Variants in SYNE1 observed in about 807,000 individuals in gnomAD.
The protein encoded by SYNE1 is nesprin-1.
SYNE1 carries 616 observed loss-of-function variants against 1,111.0 expected under a neutral mutation model. That is an observed-to-expected ratio of 0.55 (90% CI 0.52 to 0.59). The LOEUF is 0.59. Among genes scored for constraint, SYNE1 ranks in the 20% least tolerant of loss-of-function variants. SYNE1 has a pLI of 0.00. For missense variants in SYNE1, 10,006 were observed against 10,417.0 expected, an observed-to-expected ratio of 0.96 and a Z score of 1.72; for synonymous variants, 3,855 against 3,825.8, an observed-to-expected ratio of 1.01 and a Z score of -0.28.
At chr6:152,581,413 T>A (rs1015470353) in intron 3 of SYNE1, among the ~76,000 whole-genome samples, 3 of 152,170 alleles carry the variant, frequency 2.0e-5, no homozygotes, top group Non-Finnish European at 4.4e-5. Context: ...GTGCAAAGAA[T>A]AATGTCATTC....
chr6:152,525,312 G>C (rs1564636600), intron 5 of SYNE1, among the ~76,000 whole-genome samples: 1 of 151,976 alleles, frequency 6.6e-6, no homozygotes, highest in Non-Finnish European at 1.5e-5. Context: ...AAGTGATAAA[G>C]AAAAAATGGA....
chr6:152,309,909 G>T lies in SYNE1; in HGVS notation c.17128C>A (p.His5710Asn). Residue 5710 changes from histidine (H) to asparagine (N), a missense_variant, in exon 90 of 146, where the codon CAT becomes AAT. Around this residue, in one of 7 missense-constraint regions of SYNE1, gnomAD observed 4,955 missense variants for 5,017.2 expected, o/e 0.99. Transcript: ENST00000367255. The stretch of plus-strand genomic sequence containing the variant: ...TCTTCCTGCAGCCGCAGAGCAGCAT[G>T]ACAGAGAGGTAAGCTGGCAACCACA... ...EDVVASLPLC[H>N]AALRLQEEAS... 1.2e-6 allele frequency: 2 copies of T among 1,614,146 alleles called. No individual in the cohort carries two copies. The highest frequency in any genetic ancestry group is 1.7e-6 in the Non-Finnish European group (2 of 1,180,040).
At position 152,134,987 on chromosome 6, in the gene SYNE1, T is replaced by C. The variant is rs1174539244; in HGVS notation, c.25788+117A>G. On this transcript the variant is annotated intron_variant, in intron 142 of 145. Transcript: ENST00000367255. Reference sequence around the variant, plus strand: ...AGTTAAAAAAGTGTAAAGTAGAGACTATAATGCAAAAAGTTAAAAAAAAAG... The same window carrying C: ...AGTTAAAAAAGTGTAAAGTAGAGACCATAATGCAAAAAGTTAAAAAAAAAG... The C allele has an allele frequency of 4.9e-6, 7 of 1,423,382 alleles. No homozygotes were observed. In the Admixed American group the frequency reaches 8.9e-5, roughly 18 times the overall value. The allele number at this position is 1,423,382 out of a possible 1,614,324, so 88.2% of individuals were successfully genotyped here. A position where few individuals can be genotyped will look rare whatever the true frequency, so the allele number is the denominator to read the frequency against.
chr6:152,434,085 A>G, intron 33 of SYNE1, 140 bp from the exon 34 acceptor site: 1 of 759,720 alleles, frequency 1.3e-6, no homozygotes, highest in Middle Eastern at 3.8e-4. Flanking sequence ...CGCTAAAAAA[A>G]AAATTGCACA....
chr6:152,255,197 A>G, intron 103 of SYNE1, 108 bp from the exon 104 acceptor site: 1 of 983,390 alleles, frequency 1.0e-6, no homozygotes, highest in Non-Finnish European at 1.6e-6. Context: ...CTGCTTAGTA[A>G]TAATCAGACC....
chr6:152,309,481 C>T (rs1263000712), intron 90 of SYNE1, among the ~76,000 whole-genome samples: 1 of 151,996 alleles, frequency 6.6e-6, no homozygotes, highest in Non-Finnish European at 1.5e-5. Flanking sequence ...ATGAAAAAAA[C>T]TCTGTAACAC....
chr6:152,369,399 T>C lies in SYNE1; in HGVS notation c.9651+72A>G, dbSNP rs2097139286. 3.1e-6 allele frequency: 5 copies of C among 1,604,632 alleles called. No homozygotes were observed. The African/African-American group carries it at 5.4e-5, about 17-fold the overall frequency. ...CAGTCTAACTCAAGGGTGCTGAGCATGCATCTGTAAGGTCGACAGAGGACG... is the reference window on the plus strand; with the variant it reads ...CAGTCTAACTCAAGGGTGCTGAGCACGCATCTGTAAGGTCGACAGAGGACG... On this transcript the variant is annotated intron_variant, in intron 60 of 145. Coordinates refer to ENST00000367255, the MANE Select transcript of SYNE1 (RefSeq NM_182961.4).
At chr6:152,379,378 AATATT>A (rs1430628766) in intron 56 of SYNE1, among the ~76,000 whole-genome samples, 4 of 152,108 alleles carry the variant, frequency 2.6e-5, no homozygotes, top group South Asian at 2.1e-4. Context: ...TTATTTTTAC[AATATT>A]ATATTATATA....
chr6:152,391,710 G>C (rs1437618713), intron 51 of SYNE1, 142 bp from the exon 52 acceptor site: 2 of 1,018,406 alleles, frequency 2.0e-6, no homozygotes, highest in Non-Finnish European at 2.8e-6. Flanking sequence ...TAAAGATGCT[G>C]GGAACTGACC....
At chr6:152,572,566 C>T (rs764835737) in intron 3 of SYNE1, among the ~76,000 whole-genome samples, 3 of 152,112 alleles carry the variant, frequency 2.0e-5, no homozygotes, top group Non-Finnish European at 4.4e-5. Flanking sequence ...GAGTCTATGA[C>T]CCGCCCAACG....
intron 145 of SYNE1, among the ~76,000 whole-genome samples, chr6:152,123,383 T>G (rs1043455239): frequency 4.6e-5 from 7 of 152,178 alleles, no homozygotes; most frequent in African/African-American, 1.7e-4. Flanking sequence ...CTTTGGAAAA[T>G]GGACACCATT....
intron 5 of SYNE1, among the ~76,000 whole-genome samples, chr6:152,521,034 G>A (rs564930334): frequency 1.4e-4 from 21 of 152,226 alleles, no homozygotes; most frequent in African/African-American, 4.8e-4. Flanking sequence ...GAGGGCACCC[G>A]TCATACTAAC....
At chr6:152,594,087 G>A (rs2099574225) in intron 3 of SYNE1, among the ~76,000 whole-genome samples, 1 of 152,156 alleles carries the variant, frequency 6.6e-6, no homozygotes. Flanking sequence ...AAAGGCTTCA[G>A]TAGCTGGAGG....
intron 131 of SYNE1, among the ~76,000 whole-genome samples, chr6:152,162,726 GAGA>G (rs1301568815): frequency 6.6e-6 from 1 of 152,148 alleles, no homozygotes; most frequent in African/African-American, 2.4e-5. Context: ...ATAGCTAGAA[GAGA>G]AGATTTTGAG....
chr6:152,259,611 T>C (rs775519661), intron 101 of SYNE1, among the ~76,000 whole-genome samples: 1 of 152,154 alleles, frequency 6.6e-6, no homozygotes, highest in Non-Finnish European at 1.5e-5. Context: ...CAAGACCCTC[T>C]CTAAGCCTCA....
At chr6:152,323,783 GA>G in intron 81 of SYNE1, 46 bp from the exon 82 acceptor site, 2 of 1,603,184 alleles carry the variant, frequency 1.2e-6, no homozygotes, top group Non-Finnish European at 8.5e-7. Context: ...TAAATAAACT[GA>G]AAAAAATAGG....
intron 58 of SYNE1, among the ~76,000 whole-genome samples, chr6:152,375,798 A>G (rs1279632320): frequency 6.6e-6 from 1 of 152,194 alleles, no homozygotes. Context: ...ACATAGAAAA[A>G]ACGTTTTATT....
chr6:152,590,401 A>C (rs1367353654), intron 3 of SYNE1, among the ~76,000 whole-genome samples: 1 of 151,680 alleles, frequency 6.6e-6, no homozygotes, highest in Non-Finnish European at 1.5e-5. Context: ...AGGTCATAGC[A>C]TACTACCTAA....
chr6:152,399,426 A>G (rs1196840678), intron 48 of SYNE1, among the ~76,000 whole-genome samples, 190 bp downstream of exon 48: 2 of 152,232 alleles, frequency 1.3e-5, no homozygotes, highest in African/African-American at 2.4e-5. Flanking sequence ...GGAAAAAGAA[A>G]GAAAAAATTC....
Sources: allele counts gnomAD v4.1 joint callset (sites outside exome capture counted in the v4.1 genomes callset), GRCh38; gene constraint gnomAD v4.1.1; regional missense constraint gnomAD v4.1.1; transcripts MANE v1.5; gene names NCBI Gene and HGNC (gene_info 2026-07-23, HGNC 2026-07-21).